Variants in NTNG2 observed in about 807,000 individuals in gnomAD.
NTNG2 encodes netrin-G2.
NTNG2 carries 15 observed loss-of-function variants against 47.6 expected under a neutral mutation model. That is an observed-to-expected ratio of 0.32 (90% confidence interval 0.21 to 0.49). The LOEUF (loss-of-function observed/expected upper bound fraction) is 0.49, where lower values mean the gene tolerates loss of function less well. NTNG2 is among the 20% of genes least tolerant of loss of function. The probability of loss-of-function intolerance (pLI) is 0.99; values close to 1 mark genes in which losing one functional copy is unlikely to be tolerated. For synonymous variants in NTNG2, 307 were observed against 324.6 expected (o/e 0.95, Z 0.58); for missense variants, 578 against 764.6 (o/e 0.76, Z 2.88).
chr9:132,174,852 G>A (rs1261093812), intron 2 of NTNG2, among the ~76,000 whole-genome samples: 2 of 152,022 alleles, frequency 1.3e-5, no homozygotes, highest in African/African-American at 4.8e-5. Flanking sequence ...AACCTGGGAG[G>A]TGGGGTTTGT....
chr9:132,227,133 A>C, intron 4 of NTNG2, 112 bp downstream of exon 4: 4 of 1,147,074 alleles, frequency 3.5e-6, no homozygotes, highest in Non-Finnish European at 4.8e-6. Flanking sequence ...ACAGGCACAT[A>C]CGTGTGCACA....
Position 132,243,329 on chromosome 9 carries a change from G to T in NTNG2, c.*1218G>T, listed in dbSNP as rs1453881123. 6.6e-6 allele frequency: 1 copy of T among 152,316 alleles called. No individual in the cohort carries two copies. Among genetic ancestry groups the T allele is most frequent in the Non-Finnish European group, 1.5e-5 (1 of 68,114 alleles). 9.4% of individuals were successfully genotyped at this position (152,316 alleles called of 1,614,324 possible). On this transcript the variant is annotated 3_prime_UTR_variant, in exon 8 of 8. Transcript: ENST00000393229. ...AGAGTTTCAGATGGCCAGGTGGGCAGAGGCGGGCAGTGCAGAGACCCCAGA... is the reference window on the plus strand; with the variant it reads ...AGAGTTTCAGATGGCCAGGTGGGCATAGGCGGGCAGTGCAGAGACCCCAGA...
chr9:132,231,566 G>A lies in NTNG2; in HGVS notation c.1054+971G>A, dbSNP rs893687692. The stretch of plus-strand genomic sequence containing the variant: ...TGCAGGGACGCTGGTCTGCACAGCC[G>A]TCGTAAGTTGCTTCTCTGTGGTGTC... On this transcript the variant is annotated intron_variant, in intron 5 of 7. Coordinates refer to ENST00000393229, the MANE Select transcript of NTNG2 (RefSeq NM_032536.4). This position sits in a 1 kb window ranked among gnomAD's most constrained non-coding sequence, Gnocchi z 4.1. 2.1e-4 allele frequency: 69 copies of A among 323,654 alleles called. 1 individual carries two copies. The highest frequency in any genetic ancestry group is 1.0e-3 in the African/African-American group (45 of 44,516). 20.0% of individuals were successfully genotyped at this position (323,654 alleles called of 1,614,324 possible).
At chr9:132,179,699 C>T (rs1836784580) in intron 2 of NTNG2, among the ~76,000 whole-genome samples, 1 of 152,196 alleles carries the variant, frequency 6.6e-6, no homozygotes, top group Non-Finnish European at 1.5e-5. Flanking sequence ...TTTGCCCTCT[C>T]GTAACAGGAC....
At chr9:132,205,294 C>T (rs1255935474) in intron 3 of NTNG2, among the ~76,000 whole-genome samples, 6 of 152,258 alleles carry the variant, frequency 3.9e-5, no homozygotes, top group East Asian at 3.9e-4. Flanking sequence ...GAGGGAGAAC[C>T]TGACACACGC....
chr9:132,195,372 G>A lies in NTNG2; in HGVS notation c.214-2594G>A, dbSNP rs185910085. Among the ~76,000 whole-genome samples the A allele has an allele frequency of 9.5e-3, 1,437 of 151,922 alleles. 23 individuals carry two copies. Among genetic ancestry groups the A allele is most frequent in the African/African-American group, 0.033 (1,353 of 41,400 alleles). On this transcript the variant is annotated intron_variant, in intron 2 of 7. Coordinates refer to ENST00000393229, the MANE Select transcript of NTNG2 (RefSeq NM_032536.4). The stretch of plus-strand genomic sequence containing the variant: ...CGCCCAGGCTGGAGCGCAGTGGCGC[G>A]ATCTCGGCTTACTGCAAGCTCCTCC...
rs142653026 is a variant in NTNG2, at chr9:132,201,327, C to T, written c.857+2718C>T. Among the ~76,000 whole-genome samples the T allele has an allele frequency of 3.4e-3, 514 of 152,328 alleles. 3 individuals are homozygous for T. The highest frequency in any genetic ancestry group is 6.8e-3 in the Middle Eastern group (2 of 294). On this transcript the variant is annotated intron_variant, in intron 3 of 7. Coordinates refer to ENST00000393229, the MANE Select transcript of NTNG2 (RefSeq NM_032536.4). Reference sequence around the variant, plus strand: ...CTTGGCACCCAGCCTCTGCGGGCGGCGGGGAGGAGCCGAGGTGGTGGCGAG... The same window carrying T: ...CTTGGCACCCAGCCTCTGCGGGCGGTGGGGAGGAGCCGAGGTGGTGGCGAG...
chr9:132,235,562 G>A (rs1336989217), intron 5 of NTNG2, among the ~76,000 whole-genome samples: 1 of 152,220 alleles, frequency 6.6e-6, no homozygotes, highest in Non-Finnish European at 1.5e-5. Context: ...GGCCTGTGGG[G>A]TGCGGGGCTG....
chr9:132,214,122 T>C (rs1486859553), intron 3 of NTNG2, among the ~76,000 whole-genome samples: 1 of 152,162 alleles, frequency 6.6e-6, no homozygotes, highest in Non-Finnish European at 1.5e-5. Context: ...TCACCCAAAC[T>C]CACCGCTTCC....
At chr9:132,219,496 C>T (rs1184925399) in intron 3 of NTNG2, among the ~76,000 whole-genome samples, 3 of 149,880 alleles carry the variant, frequency 2.0e-5, no homozygotes, top group Non-Finnish European at 4.4e-5. Context: ...TCACTTGAAC[C>T]CAGGAGGTGG....
chr9:132,241,298 G>T, intron 7 of NTNG2: 1 of 551,028 alleles, frequency 1.8e-6, no homozygotes. Context: ...AGTTGGCAGG[G>T]GCCTGGTGAG....
intron 2 of NTNG2, among the ~76,000 whole-genome samples, chr9:132,183,223 T>C (rs1415570964): frequency 1.3e-5 from 2 of 152,070 alleles, no homozygotes; most frequent in Non-Finnish European, 2.9e-5. Flanking sequence ...GCCCTCACAC[T>C]TTGTTCCCAG....
At chr9:132,232,598 A>C (rs1254978677) in intron 5 of NTNG2, 1 of 152,178 alleles carries the variant, frequency 6.6e-6, no homozygotes, top group African/African-American at 2.4e-5. Flanking sequence ...AGGGGTCTGA[A>C]AGGATTTATC....
chr9:132,167,315 C>G (rs981601014), intron 2 of NTNG2, among the ~76,000 whole-genome samples: 1 of 152,356 alleles, frequency 6.6e-6, no homozygotes, highest in East Asian at 1.9e-4. Context: ...TCAGTTCCCT[C>G]GGGAAGCCTA....
chr9:132,209,183 C>T (rs1227072582), intron 3 of NTNG2, among the ~76,000 whole-genome samples: 8 of 152,244 alleles, frequency 5.3e-5, no homozygotes, highest in Admixed American at 4.6e-4. Context: ...GTTTTCGCTT[C>T]TCTTGGGTAA....
chr9:132,230,650 C>G, intron 5 of NTNG2, 55 bp downstream of exon 5: 1 of 1,582,062 alleles, frequency 6.3e-7, no homozygotes, highest in Non-Finnish European at 8.6e-7. Flanking sequence ...AGCCTCTTTG[C>G]ATGTCCTGGA....
chr9:132,189,603 C>T (rs1837704194), intron 2 of NTNG2, among the ~76,000 whole-genome samples: 1 of 151,936 alleles, frequency 6.6e-6, no homozygotes, highest in Non-Finnish European at 1.5e-5. Flanking sequence ...AAAGAGTAAC[C>T]TTCCGCTTCT....
At chr9:132,171,650 T>TC in intron 2 of NTNG2, among the ~76,000 whole-genome samples, 1 of 152,182 alleles carries the variant, frequency 6.6e-6, no homozygotes, top group East Asian at 1.9e-4. Flanking sequence ...GTTCCATTCC[T>TC]CCCCCAGGGG....
At position 132,163,300 on chromosome 9, in the gene NTNG2, C is replaced by A. The variant is rs915181980; in HGVS notation, c.-484+1061C>A. Reference sequence around the variant, plus strand: ...CCCGGCCTCGACCCCGCCCGCGGCCCGCCGGGACCCACCCGGGAGCTGCTG... The same window carrying A: ...CCCGGCCTCGACCCCGCCCGCGGCCAGCCGGGACCCACCCGGGAGCTGCTG... On this transcript the variant is annotated intron_variant, in intron 1 of 7. Coordinates refer to ENST00000393229, the MANE Select transcript of NTNG2 (RefSeq NM_032536.4). The surrounding 1 kb of genome is among the most constrained non-coding windows in gnomAD (Gnocchi z 7.2). Among the ~76,000 whole-genome samples the A allele has an allele frequency of 1.3e-5, 2 of 151,102 alleles. No individual in the cohort carries two copies. The highest frequency in any genetic ancestry group is 4.9e-5 in the African/African-American group (2 of 41,128).
Sources: allele counts gnomAD v4.1 joint callset (sites outside exome capture counted in the v4.1 genomes callset), GRCh38; gene constraint gnomAD v4.1.1; non-coding constraint Gnocchi (gnomAD v3.1); transcripts MANE v1.5; gene names NCBI Gene and HGNC (gene_info 2026-07-23, HGNC 2026-07-21).